Variants in ETV5 observed in about 807,000 individuals in gnomAD.
The protein encoded by ETV5 is ETS translocation variant 5.
A neutral mutation model predicts 70.0 loss-of-function variants in ETV5; 10 were observed. The observed-to-expected ratio is 0.14, with a 90% CI of 0.09 to 0.24. The LOEUF (loss-of-function observed/expected upper bound fraction) is 0.24, where lower values mean the gene tolerates loss of function less well. Ranked by LOEUF, ETV5 falls within the 10% of genes least tolerant of loss-of-function variation. The pLI is 1.00. For missense variants in ETV5, 453 were observed against 651.2 expected (o/e 0.70, Z 3.31); for synonymous variants, 216 against 242.2 (o/e 0.89, Z 1.01).
At position 186,048,106 on chromosome 3, in the gene ETV5, AG is replaced by A. The variant is rs1434313119; in HGVS notation, c.*532del. On this transcript the variant is annotated 3_prime_UTR_variant, in exon 13 of 13. Transcript: ENST00000306376. ...CTGACTGCCCCCCTTTTTCTAGACA[AG>A]GGGTAATATTTCAGATTCAGCTAGA... The A allele has an allele frequency of 4.3e-6, 1 of 234,004 alleles. No homozygotes were observed. The highest frequency in any genetic ancestry group is 8.4e-6 in the Non-Finnish European group (1 of 118,572). The allele number at this position is 234,004 out of a possible 1,614,324, so 14.5% of individuals were successfully genotyped here. A position where few individuals can be genotyped will look rare whatever the true frequency, so the allele number is the denominator to read the frequency against.
intron 7 of ETV5, among the ~76,000 whole-genome samples, chr3:186,066,873 T>C (rs1578544051): frequency 6.6e-6 from 1 of 152,262 alleles, no homozygotes; most frequent in Admixed American, 6.5e-5. Context: ...AGCCAAAAAC[T>C]GTCAAGTATA....
In ETV5 at chr3:186,085,091, G is replaced by C. The variant is rs370188993; in HGVS notation, c.233-3916C>G. 1.4e-4 allele frequency among the ~76,000 whole-genome samples: 21 copies of C among 151,254 alleles called. 1 individual carries two copies. Among genetic ancestry groups the C allele is most frequent in the Admixed American group, 1.1e-3 (17 of 15,192 alleles). On this transcript the variant is annotated intron_variant, in intron 5 of 12. Transcript: ENST00000306376. ...AATGCTTCCATTGTCTTCATTTTAC[G>C]AACACGAAAACAAGGCTCAAAGTCA...
chr3:186,077,156 C>T (rs940333830), intron 7 of ETV5, among the ~76,000 whole-genome samples: 7 of 152,086 alleles, frequency 4.6e-5, no homozygotes, highest in African/African-American at 7.2e-5. Flanking sequence ...TGTCACAGGG[C>T]GGTTAAAAGT....
At chr3:186,095,910 T>C (rs1198661460) in intron 5 of ETV5, among the ~76,000 whole-genome samples, 2 of 152,182 alleles carry the variant, frequency 1.3e-5, no homozygotes, top group East Asian at 3.8e-4. Context: ...GTGCGGGCTG[T>C]ATGCACCAGG....
At chr3:186,068,012 G>A (rs1183316951) in intron 7 of ETV5, among the ~76,000 whole-genome samples, 1 of 152,200 alleles carries the variant, frequency 6.6e-6, no homozygotes, top group Non-Finnish European at 1.5e-5. Context: ...TAAACAAAAA[G>A]TTTAACTCAT....
chr3:186,103,922 T>G (rs1167808431), intron 5 of ETV5, among the ~76,000 whole-genome samples: 1 of 152,212 alleles, frequency 6.6e-6, no homozygotes, highest in Non-Finnish European at 1.5e-5. Flanking sequence ...TTTAAAAGAT[T>G]TGGAATACCC....
intron 5 of ETV5, among the ~76,000 whole-genome samples, chr3:186,098,006 GC>G (rs1351571755): frequency 6.6e-6 from 1 of 152,228 alleles, no homozygotes; most frequent in Non-Finnish European, 1.5e-5. Flanking sequence ...ACCTAATAGT[GC>G]TCAGCGCCCA....
rs1242343286 is a variant in ETV5 at position 186,078,032 on chromosome 3, C to G, written c.650+1785G>C. On this transcript the variant is annotated intron_variant, in intron 7 of 12. Transcript: ENST00000306376. ...CCTCCTCTCTTCCTTTCAACACCCA[C>G]GGGCAAATAACTCATCAATCCCAGG... 2.8e-6 allele frequency: 3 copies of G among 1,057,702 alleles called. No homozygotes were observed. The South Asian group carries it at 1.4e-4, about 48-fold the overall frequency. 65.5% of individuals were successfully genotyped at this position (1,057,702 alleles called of 1,614,324 possible). A position where few individuals can be genotyped will look rare whatever the true frequency, so the allele number is the denominator to read the frequency against.
intron 7 of ETV5, chr3:186,079,397 C>A: frequency 4.2e-6 from 1 of 237,024 alleles, no homozygotes. Flanking sequence ...AGTAATATTA[C>A]CTTGTATAAA....
At chr3:186,084,218 G>A (rs1713999079) in intron 5 of ETV5, 1 of 451,166 alleles carries the variant, frequency 2.2e-6, no homozygotes, top group African/African-American at 2.1e-5. Context: ...GGACTATAAA[G>A]GATGGCAACA....
rs984676935 is a variant in ETV5, at chr3:186,047,345, C to T, written c.*1294G>A. On this transcript the variant is annotated 3_prime_UTR_variant, in exon 13 of 13. Coordinates refer to ENST00000306376, the MANE Select transcript of ETV5 (RefSeq NM_004454.3). ...GTCAGTATCACACGTAAGTCTCAAA[C>T]CCTACTGAATCACACAGGTAGGGTT... 3 of 231,358 alleles carry T rather than the reference C, an allele frequency of 1.3e-5. No individual in the cohort carries two copies. The highest frequency in any genetic ancestry group is 6.6e-5 in the African/African-American group (3 of 45,162). The allele number at this position is 231,358 out of a possible 1,614,324, so 14.3% of individuals were successfully genotyped here.
chr3:186,083,725 A>C (rs1713987042), intron 5 of ETV5, among the ~76,000 whole-genome samples: 1 of 152,204 alleles, frequency 6.6e-6, no homozygotes, highest in Non-Finnish European at 1.5e-5. Context: ...GAACAAATGG[A>C]TTATATTTCC....
At chr3:186,066,657 T>C (rs945456243) in intron 7 of ETV5, among the ~76,000 whole-genome samples, 2 of 152,194 alleles carry the variant, frequency 1.3e-5, no homozygotes, top group Non-Finnish European at 2.9e-5. Context: ...TAAGAGAATA[T>C]ATTTAGGACT....
intron 9 of ETV5, 82 bp downstream of exon 9, chr3:186,064,335 T>C (rs1053332405): frequency 7.7e-7 from 1 of 1,304,114 alleles, no homozygotes; most frequent in Non-Finnish European, 1.1e-6. Flanking sequence ...GGAAGGAAGG[T>C]AGGAGAAAGA....
At chr3:186,093,383 C>T (rs1257073280) in intron 5 of ETV5, among the ~76,000 whole-genome samples, 1 of 152,056 alleles carries the variant, frequency 6.6e-6, no homozygotes, top group African/African-American at 2.4e-5. Context: ...CTTCATATAA[C>T]CTGGGGAAGG....
intron 5 of ETV5, among the ~76,000 whole-genome samples, chr3:186,083,816 G>A (rs1446940110): frequency 2.0e-5 from 3 of 152,038 alleles, no homozygotes; most frequent in African/African-American, 4.8e-5. Flanking sequence ...TACTTTCCCC[G>A]CAGGACAAAA....
At chr3:186,074,571 T>C (rs916573898) in intron 7 of ETV5, among the ~76,000 whole-genome samples, 1 of 152,170 alleles carries the variant, frequency 6.6e-6, no homozygotes, top group Non-Finnish European at 1.5e-5. Context: ...GTCTTATATA[T>C]TTATATTAGA....
At chr3:186,096,182 T>C (rs1714298728) in intron 5 of ETV5, among the ~76,000 whole-genome samples, 1 of 150,946 alleles carries the variant, frequency 6.6e-6, no homozygotes, top group South Asian at 2.1e-4. Context: ...GAAGAGGGAG[T>C]TGAGGAGAAG....
intron 7 of ETV5, among the ~76,000 whole-genome samples, chr3:186,070,000 T>C (rs1233183764): frequency 6.6e-6 from 1 of 150,808 alleles, no homozygotes; most frequent in African/African-American, 2.4e-5. Flanking sequence ...TTAGTAGAGA[T>C]AGGGTTTCAC....
Sources: allele counts gnomAD v4.1 joint callset (sites outside exome capture counted in the v4.1 genomes callset), GRCh38; gene constraint gnomAD v4.1.1; transcripts MANE v1.5; gene names NCBI Gene and HGNC (gene_info 2026-07-23, HGNC 2026-07-21).